NALF1: variants seen among roughly 807,000 people sequenced by gnomAD.
NALF1 encodes the protein family with sequence similarity 155 member A.
NALF1 carries 3 observed loss-of-function variants against 48.4 expected under a neutral mutation model. The observed-to-expected ratio is 0.06, with a 90% CI of 0.03 to 0.16. The LOEUF is 0.16. NALF1 is among the 10% of genes least tolerant of loss of function. The pLI is 1.00. For synonymous variants in NALF1, 262 were observed against 245.7 expected (o/e 1.07, Z -0.62); for missense variants, 526 against 571.5 (o/e 0.92, Z 0.81).
chr13:107,659,229 C>T (rs948131158), intron 1 of NALF1, among the ~76,000 whole-genome samples: 6 of 152,040 alleles, frequency 3.9e-5, no homozygotes, highest in Admixed American at 2.0e-4. Flanking sequence ...AGCCACCCAC[C>T]AGGGTGAATC....
At chr13:107,786,745 A>G (rs1490479144) in intron 1 of NALF1, among the ~76,000 whole-genome samples, 2 of 150,390 alleles carry the variant, frequency 1.3e-5, no homozygotes, top group Admixed American at 1.3e-4. Context: ...AAAAAAAAAG[A>G]GAGAGAGAGA....
intron 1 of NALF1, among the ~76,000 whole-genome samples, chr13:107,855,594 T>C (rs1340595018): frequency 6.6e-6 from 1 of 152,068 alleles, no homozygotes; most frequent in Non-Finnish European, 1.5e-5. Flanking sequence ...TCCTTCCCTC[T>C]AAAACAAAAA....
intron 1 of NALF1, among the ~76,000 whole-genome samples, chr13:107,835,058 T>A (rs1056517852): frequency 6.6e-6 from 1 of 152,240 alleles, no homozygotes; most frequent in Non-Finnish European, 1.5e-5. Flanking sequence ...TTCATCCTTT[T>A]GAGAAAATAT....
chr13:107,397,863 T>C (rs1883738480), intron 1 of NALF1, among the ~76,000 whole-genome samples: 7 of 152,146 alleles, frequency 4.6e-5, no homozygotes, highest in Admixed American at 3.9e-4. Context: ...TCTTACATCC[T>C]AAAAATAATC....
intron 1 of NALF1, among the ~76,000 whole-genome samples, chr13:107,271,887 T>A (rs1881184424): frequency 6.7e-6 from 1 of 149,470 alleles, no homozygotes; most frequent in Admixed American, 6.7e-5. Context: ...AACTATGCTT[T>A]GTCGAGGAAC....
intron 1 of NALF1, among the ~76,000 whole-genome samples, chr13:107,446,076 C>T (rs1389006280): frequency 6.6e-6 from 1 of 151,912 alleles, no homozygotes; most frequent in African/African-American, 2.4e-5. Flanking sequence ...GTAGTTGGGA[C>T]CACAGGCACA....
At chr13:107,217,398 T>C (rs555457355) in intron 1 of NALF1, among the ~76,000 whole-genome samples, 75 of 152,298 alleles carry the variant, frequency 4.9e-4, no homozygotes, top group Admixed American at 9.8e-4. Flanking sequence ...TCCCTGCCAT[T>C]CCCCAAAATG....
intron 1 of NALF1, among the ~76,000 whole-genome samples, chr13:107,259,581 G>T (rs1880889494): frequency 6.6e-6 from 1 of 152,170 alleles, no homozygotes; most frequent in Non-Finnish European, 1.5e-5. Flanking sequence ...ACTTGTCATA[G>T]AAAAGGGAAT....
At chr13:107,506,825 G>A (rs1332464911) in intron 1 of NALF1, among the ~76,000 whole-genome samples, 2 of 151,674 alleles carry the variant, frequency 1.3e-5, no homozygotes, top group Non-Finnish European at 2.9e-5. Context: ...GTCATTGTAA[G>A]TAATACTGCT....
chr13:107,807,025 C>T (rs1167420398), intron 1 of NALF1, among the ~76,000 whole-genome samples: 1 of 152,056 alleles, frequency 6.6e-6, no homozygotes, highest in Non-Finnish European at 1.5e-5. Flanking sequence ...AATATCACGC[C>T]AGTAGACACT....
At chr13:107,559,915 C>T (rs1257197723) in intron 1 of NALF1, among the ~76,000 whole-genome samples, 1 of 151,968 alleles carries the variant, frequency 6.6e-6, no homozygotes, top group South Asian at 2.1e-4. Flanking sequence ...AGAGACATGG[C>T]AGAGATGGAA....
At chr13:107,736,923 G>A (rs1220595409) in intron 1 of NALF1, among the ~76,000 whole-genome samples, 1 of 152,186 alleles carries the variant, frequency 6.6e-6, no homozygotes, top group African/African-American at 2.4e-5. Context: ...TAACTTGGCA[G>A]GGGATTCCCA....
intron 1 of NALF1, among the ~76,000 whole-genome samples, chr13:107,716,248 T>C (rs976913534): frequency 2.0e-5 from 3 of 152,298 alleles, no homozygotes; most frequent in Admixed American, 6.5e-5. Flanking sequence ...ATTCAGTCTT[T>C]GCATTTGGAA....
intron 2 of NALF1, among the ~76,000 whole-genome samples, chr13:107,172,535 C>G (rs1011214901): frequency 3.9e-5 from 6 of 152,092 alleles, no homozygotes; most frequent in African/African-American, 1.4e-4. Flanking sequence ...TTACAATATT[C>G]ATTTCTTCTT....
intron 1 of NALF1, among the ~76,000 whole-genome samples, chr13:107,633,473 A>G (rs946190009): frequency 1.3e-5 from 2 of 151,860 alleles, no homozygotes; most frequent in Non-Finnish European, 2.9e-5. Context: ...GATCTTTGTG[A>G]ATGACCATTC....
intron 1 of NALF1, among the ~76,000 whole-genome samples, chr13:107,637,957 C>T (rs535224261): frequency 2.5e-4 from 38 of 151,880 alleles, no homozygotes; most frequent in African/African-American, 7.5e-4. Flanking sequence ...GCCTTAGAAA[C>T]GTCACCATGG....
chr13:107,330,845 T>C (rs1882455623), intron 1 of NALF1, among the ~76,000 whole-genome samples: 1 of 152,232 alleles, frequency 6.6e-6, no homozygotes, highest in African/African-American at 2.4e-5. Context: ...AGGTTTATGC[T>C]AACAAAATTC....
chr13:107,466,321 CTTAATT>C (rs1885002319), intron 1 of NALF1: 1 of 152,248 alleles, frequency 6.6e-6, no homozygotes. Flanking sequence ...GTCCTCACCA[CTTAATT>C]CTATTGCATA....
chr13:107,558,187 A>G (rs1305093957), intron 1 of NALF1, among the ~76,000 whole-genome samples: 4 of 152,130 alleles, frequency 2.6e-5, no homozygotes, highest in Non-Finnish European at 5.9e-5. Flanking sequence ...GCTCCAAAAC[A>G]TCACAGAAAA....
Sources: allele counts gnomAD v4.1 joint callset (sites outside exome capture counted in the v4.1 genomes callset), GRCh38; gene constraint gnomAD v4.1.1; transcripts MANE v1.5; gene names NCBI Gene and HGNC (gene_info 2026-07-23, HGNC 2026-07-21).